Variants in DTD1 observed in about 807,000 individuals in gnomAD.
DTD1 encodes the protein D-aminoacyl-tRNA deacylase 1.
A neutral mutation model predicts 25.6 loss-of-function variants in DTD1; 13 were observed. That is an observed-to-expected ratio of 0.51 (90% CI 0.33 to 0.81). DTD1 has a LOEUF of 0.81. DTD1 is among the 30% of genes least tolerant of loss of function. DTD1 has a pLI of 0.02. For missense variants in DTD1, 193 were observed against 266.4 expected (o/e 0.72, Z 1.92); for synonymous variants, 110 against 103.6 (o/e 1.06, Z -0.37).
At chr20:18,695,066 G>A (rs1250925154) in intron 4 of DTD1, among the ~76,000 whole-genome samples, 2 of 152,138 alleles carry the variant, frequency 1.3e-5, no homozygotes, top group African/African-American at 2.4e-5. Context: ...CGTGTTCTGC[G>A]AATGTGTCCT....
intron 4 of DTD1, among the ~76,000 whole-genome samples, chr20:18,710,966 A>C (rs2061156255): frequency 2.0e-5 from 3 of 152,202 alleles, no homozygotes; most frequent in Admixed American, 2.0e-4. Context: ...TTGTATTCCT[A>C]TGACAGTACT....
chr20:18,731,413 A>G (rs2061238773), intron 4 of DTD1, among the ~76,000 whole-genome samples: 3 of 152,288 alleles, frequency 2.0e-5, no homozygotes, highest in Admixed American at 6.5e-5. Context: ...TCTTTCTCCA[A>G]TCAATTTAAG....
intron 5 of DTD1, among the ~76,000 whole-genome samples, chr20:18,747,278 T>C (rs1259626794): frequency 2.0e-5 from 3 of 152,170 alleles, no homozygotes; most frequent in African/African-American, 7.2e-5. Context: ...GTGAGTAAGT[T>C]CTATGGTTTT....
intron 4 of DTD1, among the ~76,000 whole-genome samples, chr20:18,687,849 GCA>G (rs1164076034): frequency 6.6e-6 from 1 of 152,208 alleles, no homozygotes; most frequent in Non-Finnish European, 1.5e-5. Context: ...AGGATGGGGT[GCA>G]CAGTCTTTGG....
At chr20:18,702,278 C>G (rs1201402998) in intron 4 of DTD1, among the ~76,000 whole-genome samples, 2 of 152,168 alleles carry the variant, frequency 1.3e-5, no homozygotes, top group Non-Finnish European at 2.9e-5. Flanking sequence ...ACTCCCGCCC[C>G]CTTCCCTCCA....
chr20:18,718,578 C>T (rs2061190755), intron 4 of DTD1, among the ~76,000 whole-genome samples: 1 of 152,168 alleles, frequency 6.6e-6, no homozygotes, highest in Non-Finnish European at 1.5e-5. Context: ...ATAATGTGTA[C>T]TATGCAATGC....
chr20:18,644,147 T>C (rs2060841437), intron 4 of DTD1, among the ~76,000 whole-genome samples: 1 of 152,198 alleles, frequency 6.6e-6, no homozygotes, highest in Non-Finnish European at 1.5e-5. Context: ...ACATCTCCTT[T>C]TGTGGATCTA....
chr20:18,623,006 C>T (rs907034982), intron 3 of DTD1, among the ~76,000 whole-genome samples: 4 of 142,942 alleles, frequency 2.8e-5, no homozygotes, highest in African/African-American at 1.0e-4. Context: ...GTGGCGCGAT[C>T]TCGGCTCATT....
intron 5 of DTD1, among the ~76,000 whole-genome samples, chr20:18,746,800 G>T (rs1054496233): frequency 2.0e-5 from 3 of 152,174 alleles, no homozygotes; most frequent in Non-Finnish European, 4.4e-5. Context: ...AGCTCAGGAA[G>T]GGTGGATTGT....
At chr20:18,614,976 G>A (rs2060703412) in intron 3 of DTD1, among the ~76,000 whole-genome samples, 1 of 151,986 alleles carries the variant, frequency 6.6e-6, no homozygotes, top group Non-Finnish European at 1.5e-5. Context: ...TCCCCACGTT[G>A]CTGGGCTCCT....
chr20:18,672,004 TG>T (rs1425244229), intron 4 of DTD1, among the ~76,000 whole-genome samples: 1 of 152,000 alleles, frequency 6.6e-6, no homozygotes, highest in Non-Finnish European at 1.5e-5. Context: ...GAGGCCGAGG[TG>T]GGAGGATCAC....
At chr20:18,701,359 C>T (rs528149340) in intron 4 of DTD1, among the ~76,000 whole-genome samples, 1 of 152,364 alleles carries the variant, frequency 6.6e-6, no homozygotes, top group South Asian at 2.1e-4. Context: ...TAGCAAATGT[C>T]TTTTAGAAAT....
intron 4 of DTD1, among the ~76,000 whole-genome samples, chr20:18,640,047 G>C (rs955963463): frequency 1.6e-5 from 2 of 124,830 alleles, no homozygotes; most frequent in Non-Finnish European, 3.6e-5. Context: ...CTTATGCTCT[G>C]AGGATTTTTT....
intron 4 of DTD1, among the ~76,000 whole-genome samples, chr20:18,704,805 C>T (rs2061119799): frequency 6.6e-6 from 1 of 152,034 alleles, no homozygotes; most frequent in Admixed American, 6.6e-5. Context: ...TGAGAAACAC[C>T]ACTGCAGAGG....
rs557491571 is a variant in DTD1 at position 18,695,341 on chromosome 20, A to C, written c.478-48759A>C. On this transcript the variant is annotated intron_variant, in intron 4 of 5. Transcript: ENST00000377452. Reference sequence around the variant, plus strand: ...CGTTTATTGGTTGGTAAATAAAACCAGGAGAAAGCAATGCAGGTCTCTGGG... The same window carrying C: ...CGTTTATTGGTTGGTAAATAAAACCCGGAGAAAGCAATGCAGGTCTCTGGG... Among the ~76,000 whole-genome samples the C allele has an allele frequency of 2.7e-5, 4 of 147,756 alleles. No homozygotes were observed. In the East Asian group the frequency reaches 8.1e-4, roughly 30 times the overall value.
chr20:18,618,273 G>C (rs1442438656), intron 3 of DTD1, among the ~76,000 whole-genome samples: 1 of 152,038 alleles, frequency 6.6e-6, no homozygotes, highest in Non-Finnish European at 1.5e-5. Context: ...AGTGTGGTTG[G>C]ACATTTTTTC....
chr20:18,763,925 C>G lies in DTD1; in HGVS notation c.*585C>G, dbSNP rs575303393. The G allele has an allele frequency of 6.6e-6, 1 of 152,330 alleles. No individual in the cohort carries two copies. The highest frequency in any genetic ancestry group is 2.1e-4 in the South Asian group (1 of 4,828). 9.4% of individuals were successfully genotyped at this position (152,330 alleles called of 1,614,324 possible). A position where few individuals can be genotyped will look rare whatever the true frequency, so the allele number is the denominator to read the frequency against. On this transcript the variant is annotated 3_prime_UTR_variant, in exon 6 of 6. Coordinates refer to ENST00000377452, the MANE Select transcript of DTD1 (RefSeq NM_080820.6). Reference sequence around the variant, plus strand: ...ACTTTATTATCAAACAAATTCTGCTCTGTTTCTGCATAACGATGATGTCCA... The same window carrying G: ...ACTTTATTATCAAACAAATTCTGCTGTGTTTCTGCATAACGATGATGTCCA...
At chr20:18,699,034 A>C (rs1331370132) in intron 4 of DTD1, among the ~76,000 whole-genome samples, 1 of 152,144 alleles carries the variant, frequency 6.6e-6, no homozygotes, top group African/African-American at 2.4e-5. Flanking sequence ...GAGCTGGGTT[A>C]CTGTCCAGCA....
chr20:18,619,858 A>G (rs2060726065), intron 3 of DTD1, among the ~76,000 whole-genome samples: 1 of 152,142 alleles, frequency 6.6e-6, no homozygotes, highest in Non-Finnish European at 1.5e-5. Flanking sequence ...GCTTCCCAAA[A>G]CTATTTATTT....
Sources: allele counts gnomAD v4.1 joint callset (sites outside exome capture counted in the v4.1 genomes callset), GRCh38; gene constraint gnomAD v4.1.1; transcripts MANE v1.5; gene names NCBI Gene and HGNC (gene_info 2026-07-23, HGNC 2026-07-21).